CNNM2: variants seen among roughly 807,000 people sequenced by gnomAD.
The protein encoded by CNNM2 is metal transporter CNNM2.
A neutral mutation model predicts 66.9 loss-of-function variants in CNNM2; 12 were observed. The observed-to-expected ratio is 0.18, with a 90% CI of 0.11 to 0.29. The LOEUF (loss-of-function observed/expected upper bound fraction) is 0.29, where lower values mean the gene tolerates loss of function less well. CNNM2 is among the 10% of genes least tolerant of loss of function. The pLI, the probability that CNNM2 is intolerant of heterozygous loss-of-function variation, is 1.00. For missense variants in CNNM2, 705 were observed against 1,167.7 expected, an observed-to-expected ratio of 0.60 and a Z score of 5.77; for synonymous variants, 557 against 501.8, an observed-to-expected ratio of 1.11 and a Z score of -1.47.
intron 6 of CNNM2, 37 bp downstream of exon 6, chr10:103,071,876 T>C: frequency 6.3e-7 from 1 of 1,576,016 alleles, no homozygotes; most frequent in South Asian, 1.1e-5. Context: ...ATTCTCCTGA[T>C]TGCCTTCCTT....
chr10:102,920,023 A>G lies in CNNM2; in HGVS notation c.1543A>G (p.Thr515Ala). The G allele has an allele frequency of 6.2e-7, 1 of 1,614,174 alleles. No homozygotes were observed. The highest frequency in any genetic ancestry group is 1.1e-5 in the South Asian group (1 of 91,086). Reference sequence around the variant, plus strand: ...TGACTGTACCCCCCTGAAAACCATCACCAAATTTTATAACCACCCCTTGCA... The same window carrying G: ...TGACTGTACCCCCCTGAAAACCATCGCCAAATTTTATAACCACCCCTTGCA... ...PDDCTPLKTI[T>A]KFYNHPLHFV... The change falls in exon 1 of 8, where the codon ACC (threonine) becomes GCC (alanine). Residue 515 changes from threonine to alanine, a missense_variant. By Grantham distance (58) the Thr-to-Ala change is moderately conservative (BLOSUM62 0). Coordinates refer to ENST00000369878, the MANE Select transcript of CNNM2 (RefSeq NM_017649.5).
intron 1 of CNNM2, among the ~76,000 whole-genome samples, chr10:103,045,295 C>T (rs940027531): frequency 5.9e-5 from 9 of 152,104 alleles, no homozygotes; most frequent in Admixed American, 4.6e-4. Flanking sequence ...ATTCTTTGAG[C>T]GTGAGCATGC....
chr10:102,947,212 A>T (rs1846647935), intron 1 of CNNM2, among the ~76,000 whole-genome samples: 1 of 152,102 alleles, frequency 6.6e-6, no homozygotes, highest in Non-Finnish European at 1.5e-5. Context: ...TAATCCTTTT[A>T]TAGTTCCCTG....
intron 1 of CNNM2, among the ~76,000 whole-genome samples, chr10:103,004,761 C>T (rs762705628): frequency 2.0e-5 from 3 of 152,202 alleles, no homozygotes; most frequent in South Asian, 2.1e-4. Flanking sequence ...GAGTCTGTTT[C>T]GCTCAAACTT....
rs2066171375 is a variant in CNNM2, at chr10:103,089,608, CGTTT to C, written c.*12432_*12435del. On this transcript the variant is annotated 3_prime_UTR_variant, in exon 8 of 8. Coordinates refer to ENST00000369878, the MANE Select transcript of CNNM2 (RefSeq NM_017649.5). Reference sequence around the variant, plus strand: ...CCGAGTAGAACCCTAACAGGGACCTCGTTTGTTCCTGTGAGTCCTGCCAGGACTT... The same window carrying C: ...CCGAGTAGAACCCTAACAGGGACCTCGTTCCTGTGAGTCCTGCCAGGACTT... 1.3e-6 allele frequency: 2 copies of C among 1,493,834 alleles called. No individual in the cohort carries two copies. Among genetic ancestry groups the C allele is most frequent in the African/African-American group, 2.8e-5 (2 of 71,336 alleles). 92.5% of individuals were successfully genotyped at this position (1,493,834 alleles called of 1,614,324 possible). A position where few individuals can be genotyped will look rare whatever the true frequency, so the allele number is the denominator to read the frequency against.
intron 1 of CNNM2, among the ~76,000 whole-genome samples, chr10:102,925,237 G>A (rs1845813621): frequency 1.4e-5 from 2 of 145,080 alleles, no homozygotes; most frequent in South Asian, 4.5e-4. Context: ...CGGAGGCTGT[G>A]GTGAACTGAG....
intron 1 of CNNM2, among the ~76,000 whole-genome samples, chr10:103,029,589 A>G (rs1470643072): frequency 2.0e-5 from 3 of 152,126 alleles, no homozygotes; most frequent in Admixed American, 2.0e-4. Flanking sequence ...GGAGCCAGGC[A>G]CGGTGGCTCA....
chr10:103,026,454 A>G (rs1379702448), intron 1 of CNNM2, among the ~76,000 whole-genome samples: 2 of 152,066 alleles, frequency 1.3e-5, no homozygotes, highest in African/African-American at 4.8e-5. Flanking sequence ...ACAAAAATTT[A>G]GCTGGGCATG....
chr10:102,993,221 T>C (rs930075544), intron 1 of CNNM2, among the ~76,000 whole-genome samples: 1 of 152,220 alleles, frequency 6.6e-6, no homozygotes, highest in Non-Finnish European at 1.5e-5. Context: ...ACTTATGTGA[T>C]ATAAGGTTTG....
intron 3 of CNNM2, among the ~76,000 whole-genome samples, chr10:103,056,355 G>A (rs2065296463): frequency 6.6e-6 from 1 of 152,070 alleles, no homozygotes; most frequent in Non-Finnish European, 1.5e-5. Context: ...GGGTAGTTGA[G>A]TGGGAGAGGG....
At chr10:103,014,946 T>A (rs2064413466) in intron 1 of CNNM2, among the ~76,000 whole-genome samples, 1 of 152,020 alleles carries the variant, frequency 6.6e-6, no homozygotes. Context: ...TTTCAAAACA[T>A]GCTTACAAAT....
intron 1 of CNNM2, among the ~76,000 whole-genome samples, chr10:103,013,177 C>T (rs2064377997): frequency 6.6e-6 from 1 of 151,828 alleles, no homozygotes; most frequent in Admixed American, 6.6e-5. Context: ...TTCATAGGGC[C>T]CTATTCTACA....
At chr10:102,943,309 TC>T (rs1440509670) in intron 1 of CNNM2, among the ~76,000 whole-genome samples, 8 of 152,072 alleles carry the variant, frequency 5.3e-5, no homozygotes, top group Non-Finnish European at 1.2e-4. Context: ...GCACCTGTAG[TC>T]CCAGCTCCTT....
chr10:102,943,928 T>C (rs1260492247), intron 1 of CNNM2, among the ~76,000 whole-genome samples: 1 of 152,180 alleles, frequency 6.6e-6, no homozygotes, highest in Admixed American at 6.6e-5. Flanking sequence ...TTCCATTGTT[T>C]TCTTGAAATC....
At chr10:102,939,699 C>A (rs1225517771) in intron 1 of CNNM2, among the ~76,000 whole-genome samples, 2 of 152,122 alleles carry the variant, frequency 1.3e-5, no homozygotes, top group Non-Finnish European at 2.9e-5. Context: ...GAACTGGCGG[C>A]CAGGCGCAGT....
At chr10:102,923,784 G>A (rs1219421745) in intron 1 of CNNM2, among the ~76,000 whole-genome samples, 2 of 152,150 alleles carry the variant, frequency 1.3e-5, no homozygotes, top group African/African-American at 2.4e-5. Context: ...ATTTTGGAAA[G>A]TTTTGTACTA....
intron 6 of CNNM2, among the ~76,000 whole-genome samples, chr10:103,074,022 TCA>T (rs1298425899): frequency 2.0e-5 from 3 of 152,044 alleles, no homozygotes; most frequent in African/African-American, 7.2e-5. Flanking sequence ...GGTGCAGCAC[TCA>T]CACCTGTAAT....
chr10:102,963,544 C>T (rs534385383), intron 1 of CNNM2, among the ~76,000 whole-genome samples: 2 of 152,262 alleles, frequency 1.3e-5, no homozygotes, highest in South Asian at 2.1e-4. Flanking sequence ...CTTTATCTGC[C>T]GTTCTTAATT....
intron 6 of CNNM2, among the ~76,000 whole-genome samples, chr10:103,072,422 C>G (rs984622366): frequency 6.6e-6 from 1 of 151,970 alleles, no homozygotes; most frequent in African/African-American, 2.4e-5. Flanking sequence ...CCTACTTCTC[C>G]CCACCACCAG....
Sources: gnomAD v4.1 joint callset for allele counts (sites outside exome capture counted in the v4.1 genomes callset) on GRCh38, gnomAD v4.1.1 for gene constraint, MANE v1.5 for transcripts, NCBI Gene and HGNC (gene_info 2026-07-23, HGNC 2026-07-21) for gene names.